SMIM24: variants seen among roughly 807,000 people sequenced by gnomAD.
The protein encoded by SMIM24 is MAP17-related dimer.
SMIM24 carries 6 observed loss-of-function variants against 10.8 expected under a neutral mutation model. That is an observed-to-expected ratio of 0.55 (90% CI 0.30 to 1.09). SMIM24 has a LOEUF of 1.09. SMIM24 is among the 50% of genes least tolerant of loss of function. SMIM24 has a pLI of 0.06. For missense variants in SMIM24, 151 were observed against 153.4 expected, an observed-to-expected ratio of 0.98 and a Z score of 0.08; for synonymous variants, 71 against 62.4, an observed-to-expected ratio of 1.14 and a Z score of -0.65.
At chr19:3,480,028 T>A (rs566163817) in intron 1 of SMIM24, among the ~76,000 whole-genome samples, 45 of 146,678 alleles carry the variant, frequency 3.1e-4, no homozygotes, top group African/African-American at 1.1e-3. Flanking sequence ...GGGGAGGGGT[T>A]TATAAAGGAG....
rs542074058 is a variant in SMIM24 at position 3,478,488 on chromosome 19, T to G, written c.180-10A>C. ...CTCCTCGTCCTCAGCCCTGCAGAGATAAAGGGAAAGGTGGAAGGGGGCGGG... is the reference window on the plus strand; with the variant it reads ...CTCCTCGTCCTCAGCCCTGCAGAGAGAAAGGGAAAGGTGGAAGGGGGCGGG... On this transcript the variant is annotated splice_polypyrimidine_tract_variant and intron_variant, in intron 2 of 3. Transcript: ENST00000215531. 2.5e-5 allele frequency: 39 copies of G among 1,541,242 alleles called. No individual in the cohort carries two copies. In the East Asian group the frequency reaches 7.4e-4, roughly 29 times the overall value.
At chr19:3,478,731 G>T in intron 2 of SMIM24, 87 bp downstream of exon 2, 1 of 1,100,858 alleles carries the variant, frequency 9.1e-7, no homozygotes, top group Non-Finnish European at 1.3e-6. Flanking sequence ...CGGACTTTGA[G>T]GCTGGTGATG....
chr19:3,479,573 GA>G (rs1387816565), intron 1 of SMIM24, among the ~76,000 whole-genome samples: 2 of 149,866 alleles, frequency 1.3e-5, no homozygotes, highest in African/African-American at 2.5e-5. Context: ...GGCTCAGGAG[GA>G]GGGGCTTATA....
In SMIM24 at chr19:3,474,392, T is replaced by A. The variant is rs142316370; in HGVS notation, c.*451A>T. ...CAGAGGTAAACTGAGTCCCAAGAGATGACAGGAGCCCTTCCAAAGGGCTGT... is the reference window on the plus strand; with the variant it reads ...CAGAGGTAAACTGAGTCCCAAGAGAAGACAGGAGCCCTTCCAAAGGGCTGT... On this transcript the variant is annotated 3_prime_UTR_variant, in exon 4 of 4. Coordinates refer to ENST00000215531, the MANE Select transcript of SMIM24 (RefSeq NM_001136503.2). The A allele has an allele frequency of 1.1e-3, 169 of 160,640 alleles. No individual in the cohort carries two copies. Among genetic ancestry groups the A allele is most frequent in the African/African-American group, 3.9e-3 (162 of 41,668 alleles). The allele number at this position is 160,640 out of a possible 1,614,324, so 10.0% of individuals were successfully genotyped here. A position where few individuals can be genotyped will look rare whatever the true frequency, so the allele number is the denominator to read the frequency against.
In SMIM24 at chr19:3,478,815, C is replaced by T; in HGVS notation, c.179+3G>A. 6.5e-7 allele frequency: 1 copy of T among 1,547,538 alleles called. No individual in the cohort carries two copies. The highest frequency in any genetic ancestry group is 8.7e-7 in the Non-Finnish European group (1 of 1,145,588). ...GGGCAGCGGGGTGGGGGCGGGCACC[C>T]ACCTGGCCTTGGAACACCAGAGGCG... On this transcript the variant is annotated splice_donor_region_variant and intron_variant, in intron 2 of 3. Transcript: ENST00000215531.
intron 3 of SMIM24, among the ~76,000 whole-genome samples, chr19:3,475,471 G>C (rs544736907): frequency 1.5e-4 from 22 of 151,652 alleles, no homozygotes; most frequent in Middle Eastern, 3.4e-3. Context: ...ATGATGGATG[G>C]GGGTATGGAT....
intron 1 of SMIM24, 147 bp downstream of exon 1, chr19:3,480,250 A>C: frequency 3.6e-6 from 3 of 822,276 alleles, no homozygotes; most frequent in Non-Finnish European, 5.7e-6. Context: ...GCCGGGCGGT[A>C]CTGCGGGGGT....
At chr19:3,479,567 C>T (rs1473461226) in intron 1 of SMIM24, among the ~76,000 whole-genome samples, 3 of 135,484 alleles carry the variant, frequency 2.2e-5, no homozygotes, top group Non-Finnish European at 4.7e-5. Context: ...GGCAGAGGCT[C>T]AGGAGGAGGG....
chr19:3,477,713 G>T (rs1387989375), intron 3 of SMIM24, among the ~76,000 whole-genome samples: 1 of 144,264 alleles, frequency 6.9e-6, no homozygotes, highest in African/African-American at 2.6e-5. Flanking sequence ...ATGGATGGTG[G>T]GTGATGGATG....
In SMIM24 at chr19:3,474,943, T is replaced by C. The variant is rs1476679807; in HGVS notation, c.293A>G (p.Lys98Arg). 1 of 1,551,528 alleles carries C rather than the reference T, an allele frequency of 6.4e-7. No homozygotes were observed. Among genetic ancestry groups the C allele is most frequent in the East Asian group, 2.4e-5 (1 of 40,936 alleles). ...TCCTTCCTTTGCTGTCTTTTTCTCC[T>C]TCTTCCTCTTCTCTTCTTTCTCCTT... ...EAKEKEEKRK[K>R]EKKTAKEGES... The change falls in exon 4 of 4, where the codon AAG becomes AGG. Residue 98 changes from lysine (K) to arginine (R), a missense_variant. Physicochemically the swap from Lys to Arg is conservative, Grantham distance 26. Transcript: ENST00000215531.
Position 3,474,558 on chromosome 19 carries a change from A to C in SMIM24, c.*285T>G, listed in dbSNP as rs983389663. On this transcript the variant is annotated 3_prime_UTR_variant, in exon 4 of 4. Coordinates refer to ENST00000215531, the MANE Select transcript of SMIM24 (RefSeq NM_001136503.2). ...GGGGAGAAGCAGGTGGAGCCATGAG[A>C]TCGTGGAGGATTGCGGGTGTCTCCT... 34 of 424,042 alleles carry C rather than the reference A, an allele frequency of 8.0e-5. No homozygotes were observed. The Middle Eastern group carries it at 2.0e-3, about 25-fold the overall frequency. 26.3% of individuals were successfully genotyped at this position (424,042 alleles called of 1,614,324 possible).
In SMIM24 at chr19:3,478,491, A is replaced by G. The variant is rs2082802739; in HGVS notation, c.180-13T>C. 1 of 1,544,394 alleles carries G rather than the reference A, an allele frequency of 6.5e-7. No homozygotes were observed. Among genetic ancestry groups the G allele is most frequent in the Admixed American group, 2.0e-5 (1 of 49,088 alleles). ...CTCGTCCTCAGCCCTGCAGAGATAAAGGGAAAGGTGGAAGGGGGCGGGAGA... is the reference window on the plus strand; with the variant it reads ...CTCGTCCTCAGCCCTGCAGAGATAAGGGGAAAGGTGGAAGGGGGCGGGAGA... On this transcript the variant is annotated splice_polypyrimidine_tract_variant and intron_variant, in intron 2 of 3. Transcript: ENST00000215531.
chr19:3,475,035 AG>A (rs1568214876), intron 3 of SMIM24, 39 bp from the exon 4 acceptor site: 2 of 1,544,180 alleles, frequency 1.3e-6, no homozygotes. Flanking sequence ...AATAAGAAAC[AG>A]AGACACTCCT....
At chr19:3,476,042 A>G (rs1286832653) in intron 3 of SMIM24, among the ~76,000 whole-genome samples, 1 of 151,896 alleles carries the variant, frequency 6.6e-6, no homozygotes, top group East Asian at 1.9e-4. Flanking sequence ...GGTATGCAGA[A>G]TGGAGAATGG....
At chr19:3,475,503 G>T (rs1462142643) in intron 3 of SMIM24, among the ~76,000 whole-genome samples, 1 of 151,352 alleles carries the variant, frequency 6.6e-6, no homozygotes, top group East Asian at 1.9e-4. Context: ...CGGGTGGATG[G>T]CTAGGTGGGT....
chr19:3,474,682 A>C lies in SMIM24; in HGVS notation c.*161T>G. ...AACCATGTTTGCCCAGAGAGCCCCCAATGAGGGAGGTGGGGTGGGTTCCAA... is the reference window on the plus strand; with the variant it reads ...AACCATGTTTGCCCAGAGAGCCCCCCATGAGGGAGGTGGGGTGGGTTCCAA... On this transcript the variant is annotated 3_prime_UTR_variant, in exon 4 of 4. Transcript: ENST00000215531. The C allele has an allele frequency of 1.2e-6, 1 of 866,112 alleles. No individual in the cohort carries two copies. The highest frequency in any genetic ancestry group is 2.1e-5 in the South Asian group (1 of 47,558). 53.7% of individuals were successfully genotyped at this position (866,112 alleles called of 1,614,324 possible). A position where few individuals can be genotyped will look rare whatever the true frequency, so the allele number is the denominator to read the frequency against.
chr19:3,477,234 G>C lies in SMIM24; in HGVS notation c.239+1185C>G, dbSNP rs552496356. 7.0e-4 allele frequency among the ~76,000 whole-genome samples: 95 copies of C among 136,396 alleles called. 1 individual carries two copies. Among genetic ancestry groups the C allele is most frequent in the Non-Finnish European group, 4.6e-4 (29 of 63,252 alleles). The allele number at this position is 136,396 out of a possible 152,430, so 89.5% of individuals were successfully genotyped here. A position where few individuals can be genotyped will look rare whatever the true frequency, so the allele number is the denominator to read the frequency against. ...TGAATGGATGGGTGAGTGGGTGGAC[G>C]GGTTGGTGAATGGATGGGTTGGGGG... is the stretch of plus-strand genomic sequence containing the variant. On this transcript the variant is annotated intron_variant, in intron 3 of 3. Coordinates refer to ENST00000215531, the MANE Select transcript of SMIM24 (RefSeq NM_001136503.2).
At chr19:3,478,575 C>A (rs1350460808) in intron 2 of SMIM24, 97 bp from the exon 3 acceptor site, 7 of 1,198,486 alleles carry the variant, frequency 5.8e-6, no homozygotes, top group Non-Finnish European at 8.1e-6. Context: ...TCTGTCCCAA[C>A]CTCCCAGCCG....
At chr19:3,479,352 A>C (rs1377833408) in intron 1 of SMIM24, among the ~76,000 whole-genome samples, 8 of 97,944 alleles carry the variant, frequency 8.2e-5, no homozygotes, top group Non-Finnish European at 1.4e-4. Flanking sequence ...AGCTCAGGGG[A>C]GGGGCTTATG....
Sources: gnomAD v4.1 joint callset for allele counts (sites outside exome capture counted in the v4.1 genomes callset) on GRCh38, gnomAD v4.1.1 for gene constraint, MANE v1.5 for transcripts, NCBI Gene and HGNC (gene_info 2026-07-23, HGNC 2026-07-21) for gene names.